The following ZNF474 variants were observed in gnomAD, a reference collection of about 807,000 sequenced individuals.
The protein encoded by ZNF474 is 4933409D10Rik.
For synonymous variants in ZNF474, 192 were observed against 162.2 expected, an observed-to-expected ratio of 1.18 and a Z score of -1.39; for missense variants, 511 against 433.8, an observed-to-expected ratio of 1.18 and a Z score of -1.58.
At chr5:122,146,522 C>A (rs1205412221) in intron 1 of ZNF474, among the ~76,000 whole-genome samples, 1 of 151,528 alleles carries the variant, frequency 6.6e-6, no homozygotes. Flanking sequence ...TCTACTCCCT[C>A]AAAAAAAATT....
At chr5:122,147,454 C>T (rs1308308754) in intron 1 of ZNF474, among the ~76,000 whole-genome samples, 1 of 152,078 alleles carries the variant, frequency 6.6e-6, no homozygotes, top group Non-Finnish European at 1.5e-5. Flanking sequence ...ATACATGTGC[C>T]ATGTTGGTTT....
intron 1 of ZNF474, among the ~76,000 whole-genome samples, chr5:122,139,118 T>C (rs1207281402): frequency 2.6e-5 from 4 of 152,208 alleles, no homozygotes; most frequent in Non-Finnish European, 5.9e-5. Context: ...TGAACCATCT[T>C]ATATATGAAA....
intron 1 of ZNF474, among the ~76,000 whole-genome samples, chr5:122,132,278 A>G (rs954837274): frequency 2.0e-5 from 3 of 152,118 alleles, no homozygotes; most frequent in African/African-American, 7.2e-5. Flanking sequence ...CTATGAGTAA[A>G]GCTACTGTAA....
Position 122,152,755 on chromosome 5 carries a change from T to C in ZNF474, c.765T>C (p.Pro255=), listed in dbSNP as rs561842196. The C allele has an allele frequency of 1.2e-6, 2 of 1,614,122 alleles. No homozygotes were observed. Among genetic ancestry groups the C allele is most frequent in the Non-Finnish European group, 1.7e-6 (2 of 1,180,012 alleles). ...EKWKMENDRL[P]VELHQPLPQK... is the part of the protein sequence containing the mutation. ...GGAAAATGGAAAATGACCGGCTCCC[T>C]GTGGAGCTCCACCAGCCACTCCCAC... Residue 255 remains proline (P), a synonymous_variant, in exon 2 of 2, where the codon CCT becomes CCC. Transcript: ENST00000296600.
In ZNF474 at chr5:122,153,226, A is replaced by G. The variant is rs906316693; in HGVS notation, c.*141A>G. 6.7e-6 allele frequency: 7 copies of G among 1,048,456 alleles called. No homozygotes were observed. Among genetic ancestry groups the G allele is most frequent in the Middle Eastern group, 4.9e-4 (2 of 4,074 alleles). The allele number at this position is 1,048,456 out of a possible 1,614,324, so 64.9% of individuals were successfully genotyped here. ...CAGGGCCTATACCTCTCTTGGCTGA[A>G]TAGATATAAGAACATCCTTGCCTGA... On this transcript the variant is annotated 3_prime_UTR_variant, in exon 2 of 2. Coordinates refer to ENST00000296600, the MANE Select transcript of ZNF474 (RefSeq NM_207317.3).
intron 1 of ZNF474, among the ~76,000 whole-genome samples, chr5:122,138,422 C>T (rs1010221246): frequency 2.0e-5 from 3 of 152,158 alleles, no homozygotes; most frequent in Admixed American, 6.5e-5. Flanking sequence ...CCTGGCCTCA[C>T]CACCAATGAG....
At chr5:122,133,116 G>GA (rs921657426) in intron 1 of ZNF474, among the ~76,000 whole-genome samples, 2 of 151,884 alleles carry the variant, frequency 1.3e-5, no homozygotes, top group African/African-American at 4.8e-5. Context: ...TAATCCCAGT[G>GA]AAAAAAATAA....
chr5:122,150,668 G>A lies in ZNF474; in HGVS notation c.-212-1111G>A, dbSNP rs1756143341. On this transcript the variant is annotated intron_variant, in intron 1 of 1. Coordinates refer to ENST00000296600, the MANE Select transcript of ZNF474 (RefSeq NM_207317.3). ...AGGCTTCTGAAATAATCTTTTTGGG[G>A]AGCCAGATTATAAACCCACGGTAAA... is the stretch of plus-strand genomic sequence containing the variant. Among the ~76,000 whole-genome samples, 3 of 152,070 alleles carry A rather than the reference G, an allele frequency of 2.0e-5. No homozygotes were observed. In the South Asian group the frequency reaches 6.2e-4, roughly 32 times the overall value.
chr5:122,134,334 T>C (rs939700624), intron 1 of ZNF474, among the ~76,000 whole-genome samples: 1 of 152,192 alleles, frequency 6.6e-6, no homozygotes, highest in Non-Finnish European at 1.5e-5. Flanking sequence ...AACAGGAGCC[T>C]TATGGAGTTC....
At chr5:122,151,142 A>C (rs1756158399) in intron 1 of ZNF474, among the ~76,000 whole-genome samples, 1 of 152,222 alleles carries the variant, frequency 6.6e-6, no homozygotes, top group Admixed American at 6.5e-5. Context: ...GTCCATGGAC[A>C]CTCAAGAAGT....
chr5:122,132,859 TA>T (rs1474843844), intron 1 of ZNF474, among the ~76,000 whole-genome samples: 2 of 152,200 alleles, frequency 1.3e-5, no homozygotes, highest in Non-Finnish European at 2.9e-5. Context: ...TGTCTATCCT[TA>T]TTGGCATATT....
intron 1 of ZNF474, among the ~76,000 whole-genome samples, chr5:122,139,691 A>G (rs1755787307): frequency 6.6e-6 from 1 of 152,216 alleles, no homozygotes; most frequent in African/African-American, 2.4e-5. Context: ...AGCTTATAAC[A>G]CTTAAGTTGG....
At chr5:122,135,026 C>T (rs1437069106) in intron 1 of ZNF474, among the ~76,000 whole-genome samples, 1 of 152,136 alleles carries the variant, frequency 6.6e-6, no homozygotes, top group East Asian at 1.9e-4. Flanking sequence ...AAAGCTTCTA[C>T]TGAGCAAAGA....
chr5:122,131,778 T>C (rs1312404948), intron 1 of ZNF474, among the ~76,000 whole-genome samples: 1 of 152,140 alleles, frequency 6.6e-6, no homozygotes, highest in Non-Finnish European at 1.5e-5. Flanking sequence ...CATGAACTTC[T>C]TGGAGATTTG....
At chr5:122,142,674 G>T (rs79376877) in intron 1 of ZNF474, among the ~76,000 whole-genome samples, 1,997 of 152,284 alleles carry the variant, frequency 0.013, 56 homozygotes, top group African/African-American at 0.045. Context: ...TCATCAGTGA[G>T]CTCTAACTAT....
At chr5:122,150,185 C>G (rs986275699) in intron 1 of ZNF474, among the ~76,000 whole-genome samples, 5 of 152,124 alleles carry the variant, frequency 3.3e-5, no homozygotes, top group Admixed American at 3.3e-4. Context: ...TTACCCTATT[C>G]CTATGTTCCA....
In ZNF474 at chr5:122,152,624, TG is replaced by T. The variant is rs1386470759; in HGVS notation, c.635del (p.Cys212LeufsTer107). On this transcript the variant is annotated frameshift_variant, in exon 2 of 2. Coordinates refer to ENST00000296600, the MANE Select transcript of ZNF474 (RefSeq NM_207317.3). LOFTEE classifies it low-confidence loss of function (END_TRUNC). ...TCATCTTACTGGCCTCAAGAAAGCT[TG>T]TAGTGGAACCCCAGCCCGACCAAGG... ...SDHLTGLKKA[C>X]SGTPARPRTV... The T allele has an allele frequency of 1.2e-6, 2 of 1,614,062 alleles. No individual in the cohort carries two copies. The highest frequency in any genetic ancestry group is 4.5e-5 in the East Asian group (2 of 44,888).
chr5:122,134,098 C>A lies in ZNF474; in HGVS notation c.-213+4415C>A, dbSNP rs1419052805. 8.5e-5 allele frequency among the ~76,000 whole-genome samples: 13 copies of A among 152,170 alleles called. No homozygotes were observed. The East Asian group carries it at 2.1e-3, about 25-fold the overall frequency. ...ATGTGAACAATTCCAGAACACCCTT[C>A]CTGAGGGATCAGTGATGATTTCTGC... On this transcript the variant is annotated intron_variant, in intron 1 of 1. Coordinates refer to ENST00000296600, the MANE Select transcript of ZNF474 (RefSeq NM_207317.3).
intron 1 of ZNF474, among the ~76,000 whole-genome samples, chr5:122,131,688 T>C (rs1366043160): frequency 6.6e-6 from 1 of 152,068 alleles, no homozygotes; most frequent in African/African-American, 2.4e-5. Flanking sequence ...AGTGATAGGG[T>C]AGATATTTGT....
Sources: gnomAD v4.1 joint callset for allele counts (sites outside exome capture counted in the v4.1 genomes callset) on GRCh38, gnomAD v4.1.1 for gene constraint, MANE v1.5 for transcripts, NCBI Gene and HGNC (gene_info 2026-07-23, HGNC 2026-07-21) for gene names.